Variants in PARD3 observed in about 807,000 individuals in gnomAD.
The protein encoded by PARD3 is partitioning defective 3 homolog.
In PARD3, 75 loss-of-function variants were observed where a neutral mutation model predicts 155.4. That is an observed-to-expected ratio of 0.48 (90% CI 0.40 to 0.58). The LOEUF (loss-of-function observed/expected upper bound fraction) is 0.58. Among genes scored for constraint, PARD3 ranks in the 20% least tolerant of loss-of-function variants. The probability of loss-of-function intolerance (pLI) is 0.00; values close to 1 mark genes in which losing one functional copy is unlikely to be tolerated. For synonymous variants in PARD3, 576 were observed against 610.5 expected, an observed-to-expected ratio of 0.94 and a Z score of 0.83; for missense variants, 1,642 against 1,721.7, an observed-to-expected ratio of 0.95 and a Z score of 0.82.
intron 23 of PARD3, 145 bp downstream of exon 23, chr10:34,131,318 A>G: frequency 1.3e-6 from 1 of 766,544 alleles, no homozygotes; most frequent in Non-Finnish European, 2.1e-6. Flanking sequence ...CCAGATGGAA[A>G]TGAGGAAAAG....
intron 2 of PARD3, among the ~76,000 whole-genome samples, chr10:34,544,793 T>G (rs1035405685): frequency 1.3e-5 from 2 of 152,220 alleles, no homozygotes; most frequent in African/African-American, 4.8e-5. Context: ...CATCCATAAA[T>G]TCATTTTGTT....
rs748661046 is a variant in PARD3, at chr10:34,760,596, C to T, written c.120+54280G>A. Reference sequence around the variant, plus strand: ...ATCTGCCCGCCTCAGCCTCCCAAAGCGCTGGGATTACAGGCATGTGCACTG... The same window carrying T: ...ATCTGCCCGCCTCAGCCTCCCAAAGTGCTGGGATTACAGGCATGTGCACTG... On this transcript the variant is annotated intron_variant, in intron 1 of 24. Coordinates refer to ENST00000374788, the MANE Select transcript of PARD3 (RefSeq NM_001184785.2). Among the ~76,000 whole-genome samples, 4 of 152,238 alleles carry T rather than the reference C, an allele frequency of 2.6e-5. No individual in the cohort carries two copies. In the East Asian group the frequency reaches 5.8e-4, roughly 22 times the overall value.
intron 4 of PARD3, among the ~76,000 whole-genome samples, chr10:34,468,812 C>A (rs1000461910): frequency 6.6e-6 from 1 of 151,868 alleles, no homozygotes; most frequent in Admixed American, 6.6e-5. Context: ...GAAATGCAAA[C>A]CAAAGTTGAA....
At chr10:34,295,566 A>G (rs1480062315) in intron 20 of PARD3, among the ~76,000 whole-genome samples, 1 of 152,156 alleles carries the variant, frequency 6.6e-6, no homozygotes, top group African/African-American at 2.4e-5. Flanking sequence ...AACTGAAGGC[A>G]ATGCTTCATC....
chr10:34,213,870 A>G (rs574388872), intron 22 of PARD3, among the ~76,000 whole-genome samples: 52 of 152,144 alleles, frequency 3.4e-4, no homozygotes, highest in Middle Eastern at 3.4e-3. Flanking sequence ...TTTGCAGGGT[A>G]TCTTTTTATA....
At chr10:34,414,041 C>T (rs1022116977) in intron 5 of PARD3, among the ~76,000 whole-genome samples, 2 of 151,850 alleles carry the variant, frequency 1.3e-5, no homozygotes, top group African/African-American at 2.4e-5. Flanking sequence ...GAAACACACA[C>T]ACAAAAACTG....
At chr10:34,657,735 C>T (rs543194519) in intron 2 of PARD3, among the ~76,000 whole-genome samples, 24 of 152,008 alleles carry the variant, frequency 1.6e-4, no homozygotes, top group South Asian at 6.2e-4. Flanking sequence ...GACGTGGTTT[C>T]GCCATGTTGG....
chr10:34,174,853 T>G (rs923627451), intron 22 of PARD3, among the ~76,000 whole-genome samples: 2 of 152,252 alleles, frequency 1.3e-5, no homozygotes, highest in Non-Finnish European at 2.9e-5. Context: ...TGGAAAAAAA[T>G]AATGACACTG....
chr10:34,478,700 C>T (rs970201565), intron 3 of PARD3, among the ~76,000 whole-genome samples: 2 of 152,170 alleles, frequency 1.3e-5, no homozygotes, highest in Non-Finnish European at 2.9e-5. Flanking sequence ...TGTGCCACCA[C>T]GCCCAGCTAA....
At chr10:34,244,003 G>A (rs964430767) in intron 22 of PARD3, among the ~76,000 whole-genome samples, 3 of 152,168 alleles carry the variant, frequency 2.0e-5, no homozygotes, top group African/African-American at 7.2e-5. Context: ...GATAAGAAGA[G>A]AAAGGTGTTA....
intron 3 of PARD3, among the ~76,000 whole-genome samples, chr10:34,515,652 A>G (rs1253151040): frequency 6.6e-6 from 1 of 152,172 alleles, no homozygotes; most frequent in African/African-American, 2.4e-5. Flanking sequence ...TTCTCTTTAT[A>G]TACACCTTCA....
chr10:34,528,338 G>A (rs1224014777), intron 2 of PARD3, among the ~76,000 whole-genome samples: 2 of 152,084 alleles, frequency 1.3e-5, no homozygotes, highest in African/African-American at 2.4e-5. Context: ...CCAAGACAAC[G>A]TCCACACAAG....
chr10:34,172,301 T>C (rs1589012067), intron 22 of PARD3, among the ~76,000 whole-genome samples: 1 of 152,324 alleles, frequency 6.6e-6, no homozygotes, highest in East Asian at 1.9e-4. Context: ...ACTAAACTTT[T>C]AACTACGGTC....
chr10:34,804,601 G>A (rs1843146257), intron 1 of PARD3, among the ~76,000 whole-genome samples: 1 of 152,184 alleles, frequency 6.6e-6, no homozygotes, highest in African/African-American at 2.4e-5. Flanking sequence ...TGCACACTGG[G>A]TTTCAGCATT....
intron 4 of PARD3, among the ~76,000 whole-genome samples, chr10:34,465,283 G>A (rs868351719): frequency 1.3e-5 from 2 of 151,880 alleles, no homozygotes; most frequent in East Asian, 1.9e-4. Context: ...CTTCATTACC[G>A]TACATATGCA....
At chr10:34,377,463 G>A (rs895212062) in intron 10 of PARD3, among the ~76,000 whole-genome samples, 1 of 152,116 alleles carries the variant, frequency 6.6e-6, no homozygotes, top group Non-Finnish European at 1.5e-5. Flanking sequence ...GGTGGTGCAC[G>A]CCTGTAGTCC....
At chr10:34,355,938 A>AAAAAC (rs1554837448) in intron 14 of PARD3, among the ~76,000 whole-genome samples, 4 of 132,560 alleles carry the variant, frequency 3.0e-5, no homozygotes, top group East Asian at 2.0e-4. Context: ...AAAAAAAAAA[A>AAAAAC]AAAAAAAACA....
At chr10:34,813,074 C>T (rs1243184979) in intron 1 of PARD3, among the ~76,000 whole-genome samples, 1 of 152,162 alleles carries the variant, frequency 6.6e-6, no homozygotes, top group Non-Finnish European at 1.5e-5. Context: ...CAGAACAGTG[C>T]CATGGACACA....
chr10:34,171,501 T>C (rs921319365), intron 22 of PARD3, among the ~76,000 whole-genome samples: 2 of 152,232 alleles, frequency 1.3e-5, no homozygotes, highest in African/African-American at 4.8e-5. Flanking sequence ...AATGTATGTT[T>C]AGTAAAAACA....
Sources: allele counts gnomAD v4.1 joint callset (sites outside exome capture counted in the v4.1 genomes callset), GRCh38; gene constraint gnomAD v4.1.1; transcripts MANE v1.5; gene names NCBI Gene and HGNC (gene_info 2026-07-23, HGNC 2026-07-21).